PPP1R7: variants seen among roughly 807,000 people sequenced by gnomAD.
The protein encoded by PPP1R7 is protein phosphatase 1 regulatory subunit 22.
PPP1R7 carries 18 observed loss-of-function variants against 45.2 expected under a neutral mutation model. The ratio of observed to expected loss-of-function variants is 0.40; its 90% CI spans 0.28 to 0.59. PPP1R7 has a LOEUF of 0.59. Ranked by LOEUF, PPP1R7 falls within the 20% of genes least tolerant of loss-of-function variation. The pLI is 0.46. For synonymous variants in PPP1R7, 181 were observed against 183.4 expected (o/e 0.99, Z 0.11); for missense variants, 314 against 455.8 (o/e 0.69, Z 2.83).
At chr2:241,179,183 G>A (rs1051118129) in intron 9 of PPP1R7, among the ~76,000 whole-genome samples, 1 of 152,170 alleles carries the variant, frequency 6.6e-6, no homozygotes, top group African/African-American at 2.4e-5. Flanking sequence ...CGTTGGTTCG[G>A]GCAAGGGATC....
chr2:241,156,533 A>G (rs906513328), intron 2 of PPP1R7, among the ~76,000 whole-genome samples: 28 of 152,280 alleles, frequency 1.8e-4, no homozygotes, highest in Middle Eastern at 3.4e-3. Flanking sequence ...AAAATTAGCC[A>G]GGCATGGTAG....
chr2:241,178,458 C>CTT (rs71049557), intron 9 of PPP1R7, among the ~76,000 whole-genome samples: 1,388 of 124,576 alleles, frequency 0.011, 42 homozygotes, highest in East Asian at 0.087. Context: ...TGGTCTTCAG[C>CTT]TTTTTTTTTT....
upstream of PPP1R7, chr2:241,150,201 C>G (rs2067220056): frequency 7.9e-7 from 1 of 1,273,356 alleles, no homozygotes; most frequent in African/African-American, 1.6e-5. Context: ...TCCACTCCGT[C>G]TGCCTGCAGC....
In PPP1R7 at chr2:241,182,885, A is replaced by G; in HGVS notation, c.*62A>G. 1 of 1,556,704 alleles carries G rather than the reference A, an allele frequency of 6.4e-7. No homozygotes were observed. ...AAGAACTGCCCAGCCACGGGTTTTTAACCCACCTGTTGCTCCTGAGGTCGT... is the reference window on the plus strand; with the variant it reads ...AAGAACTGCCCAGCCACGGGTTTTTGACCCACCTGTTGCTCCTGAGGTCGT... On this transcript the variant is annotated 3_prime_UTR_variant, in exon 10 of 10. Transcript: ENST00000234038.
At chr2:241,151,234 C>T (rs1339457071) in intron 1 of PPP1R7, among the ~76,000 whole-genome samples, 1 of 152,208 alleles carries the variant, frequency 6.6e-6, no homozygotes, top group East Asian at 1.9e-4. Context: ...AATGCGTGCA[C>T]ACACCCACTT....
At chr2:241,182,485 G>A (rs186041821) in intron 9 of PPP1R7, among the ~76,000 whole-genome samples, 162 bp from the exon 10 acceptor site, 1 of 152,308 alleles carries the variant, frequency 6.6e-6, no homozygotes, top group Non-Finnish European at 1.5e-5. Context: ...AGGTGGCCAG[G>A]ATGCACCAAG....
At chr2:241,172,545 A>G (rs1030565360) in intron 9 of PPP1R7, among the ~76,000 whole-genome samples, 6 of 152,058 alleles carry the variant, frequency 3.9e-5, no homozygotes, top group Non-Finnish European at 8.8e-5. Flanking sequence ...TCAGGAGGCT[A>G]AGGCACGACA....
chr2:241,154,220 C>T (rs2067393614), intron 2 of PPP1R7, among the ~76,000 whole-genome samples: 1 of 144,990 alleles, frequency 6.9e-6, no homozygotes, highest in Non-Finnish European at 1.5e-5. Flanking sequence ...AAGAAAAGAA[C>T]CGCAATATTG....
At chr2:241,159,047 C>G (rs903545794) in intron 4 of PPP1R7, 166 bp from the exon 5 acceptor site, 1 of 817,372 alleles carries the variant, frequency 1.2e-6, no homozygotes, top group African/African-American at 1.7e-5. Flanking sequence ...GCTTAGTGCC[C>G]TTGCCCACCT....
chr2:241,170,605 A>C (rs370228055), intron 9 of PPP1R7, among the ~76,000 whole-genome samples: 4 of 152,340 alleles, frequency 2.6e-5, no homozygotes, highest in African/African-American at 9.6e-5. Flanking sequence ...CCTCAGATAC[A>C]TTCAGTCTAA....
At chr2:241,158,613 C>T (rs2067514483) in intron 4 of PPP1R7, 64 bp downstream of exon 4, 6 of 1,512,416 alleles carry the variant, frequency 4.0e-6, no homozygotes, top group Non-Finnish European at 5.5e-6. Flanking sequence ...AGTCCAGAAT[C>T]GAGCAGTCAG....
upstream of PPP1R7, chr2:241,150,275 T>G: frequency 7.6e-7 from 1 of 1,317,978 alleles, no homozygotes; most frequent in South Asian, 2.3e-5. Flanking sequence ...GCCTCCAGAC[T>G]GTTCCGGCTC....
At position 241,180,422 on chromosome 2, in the gene PPP1R7, G is replaced by A. The variant is rs907964950; in HGVS notation, c.907-2225G>A. Among the ~76,000 whole-genome samples, 8 of 129,588 alleles carry A rather than the reference G, an allele frequency of 6.2e-5. No individual in the cohort carries two copies. The East Asian group carries it at 1.1e-3, about 17-fold the overall frequency. The allele number at this position is 129,588 out of a possible 152,430, so 85.0% of individuals were successfully genotyped here. Reference sequence around the variant, plus strand: ...AAAAAAAAAAAAAAGTGAAAAAATCGCAAAAAAATCTCAAAATGTTTTTAA... The same window carrying A: ...AAAAAAAAAAAAAAGTGAAAAAATCACAAAAAAATCTCAAAATGTTTTTAA... On this transcript the variant is annotated intron_variant, in intron 9 of 9. Coordinates refer to ENST00000234038, the MANE Select transcript of PPP1R7 (RefSeq NM_002712.3).
At chr2:241,159,932 C>G (rs2125488418) in intron 5 of PPP1R7, among the ~76,000 whole-genome samples, 1 of 152,266 alleles carries the variant, frequency 6.6e-6, no homozygotes, top group East Asian at 1.9e-4. Context: ...GGATTTCTGC[C>G]CTTTGTCGCT....
chr2:241,177,905 T>C (rs758075), intron 9 of PPP1R7, among the ~76,000 whole-genome samples: 117,427 of 152,246 alleles, frequency 0.77, 45,460 homozygotes, highest in East Asian at 0.91. Flanking sequence ...GCACAGGGGC[T>C]TCCCCAGGAC....
intron 9 of PPP1R7, among the ~76,000 whole-genome samples, chr2:241,175,198 A>C (rs1445288771): frequency 6.6e-6 from 1 of 152,176 alleles, no homozygotes; most frequent in African/African-American, 2.4e-5. Context: ...AATAAAACTC[A>C]CCATCTTAAC....
intron 2 of PPP1R7, among the ~76,000 whole-genome samples, chr2:241,154,043 G>A (rs1048688942): frequency 6.6e-6 from 1 of 151,538 alleles, no homozygotes; most frequent in Admixed American, 6.6e-5. Context: ...AGCTGGGCGT[G>A]GCAGCGTGTG....
chr2:241,179,846 C>T (rs911760158), intron 9 of PPP1R7, among the ~76,000 whole-genome samples: 5 of 152,194 alleles, frequency 3.3e-5, no homozygotes, highest in African/African-American at 1.2e-4. Context: ...CTGAAAGTTA[C>T]CAGTATCAAA....
chr2:241,162,046 G>C (rs1334949274), intron 6 of PPP1R7, among the ~76,000 whole-genome samples: 1 of 152,196 alleles, frequency 6.6e-6, no homozygotes, highest in Non-Finnish European at 1.5e-5. Flanking sequence ...AAGGGAGGGT[G>C]GTTTTGGCAA....
Sources: gnomAD v4.1 joint callset for allele counts (sites outside exome capture counted in the v4.1 genomes callset) on GRCh38, gnomAD v4.1.1 for gene constraint, MANE v1.5 for transcripts, NCBI Gene and HGNC (gene_info 2026-07-23, HGNC 2026-07-21) for gene names.